Variants in RNPEPL1 observed in about 807,000 individuals in gnomAD.
The protein encoded by RNPEPL1 is aminopeptidase RNPEPL1.
A neutral mutation model predicts 69.0 loss-of-function variants in RNPEPL1; 46 were observed. The ratio of observed to expected loss-of-function variants is 0.67; its 90% CI spans 0.53 to 0.85. The LOEUF is 0.85. RNPEPL1 is among the 40% of genes least tolerant of loss of function. The pLI is 0.00. For missense variants in RNPEPL1, 869 were observed against 992.5 expected (o/e 0.88, Z 1.67); for synonymous variants, 525 against 454.1 (o/e 1.16, Z -1.98).
intron 4 of RNPEPL1, 31 bp from the exon 5 acceptor site, chr2:240,574,082 G>T (rs777053855): frequency 3.8e-6 from 6 of 1,594,592 alleles, no homozygotes; most frequent in Non-Finnish European, 5.1e-6. Flanking sequence ...GAGCCCCGAG[G>T]TCTGCCACCC....
rs940263879 is a variant in RNPEPL1, at chr2:240,579,596, C to A, written c.*1704C>A. The stretch of plus-strand genomic sequence containing the variant: ...TATGGAGGGCACCTGGCAGCCCCTG[C>A]TGCATGGCCATCTAAAGTCTTGCCA... On this transcript the variant is annotated 3_prime_UTR_variant, in exon 11 of 11. Coordinates refer to ENST00000270357, the MANE Select transcript of RNPEPL1 (RefSeq NM_018226.6). The A allele has an allele frequency of 6.6e-6, 1 of 152,212 alleles. No individual in the cohort carries two copies. Among genetic ancestry groups the A allele is most frequent in the Non-Finnish European group, 1.5e-5 (1 of 68,066 alleles). The allele number at this position is 152,212 out of a possible 1,614,324, so 9.4% of individuals were successfully genotyped here. A position where few individuals can be genotyped will look rare whatever the true frequency, so the allele number is the denominator to read the frequency against.
chr2:240,568,826 C>T lies in RNPEPL1; in HGVS notation c.240C>T (p.His80=). ...PAPRALVLDA[H]PALRLHSAAF... ...CCCGCGCGCTCGTGCTCGACGCGCA[C>T]CCGGCTCTGCGCCTGCACTCAGCCG... The change falls in exon 1 of 11, where the codon CAC becomes CAT. Residue 80 remains histidine, a synonymous_variant. Transcript: ENST00000270357. The surrounding 1 kb of genome is among the most constrained non-coding windows in gnomAD (Gnocchi z 6.2). 3 of 1,139,100 alleles carry T rather than the reference C, an allele frequency of 2.6e-6. No individual in the cohort carries two copies. Among genetic ancestry groups the T allele is most frequent in the Non-Finnish European group, 3.2e-6 (3 of 925,968 alleles). The allele number at this position is 1,139,100 out of a possible 1,614,324, so 70.6% of individuals were successfully genotyped here.
At chr2:240,574,670 A>C in intron 6 of RNPEPL1, 42 bp downstream of exon 6, 2 of 1,497,198 alleles carry the variant, frequency 1.3e-6, no homozygotes, top group Non-Finnish European at 9.2e-7. Flanking sequence ...TGGGGATGTC[A>C]CCCCTCAAGG....
At chr2:240,573,303 C>G in intron 3 of RNPEPL1, 42 bp downstream of exon 3, 4 of 1,525,750 alleles carry the variant, frequency 2.6e-6, no homozygotes, top group African/African-American at 1.4e-5. Flanking sequence ...GCGCAGGCCT[C>G]GGGGAGAGCC....
chr2:240,569,069 G>A lies in RNPEPL1; in HGVS notation c.483G>A (p.Gln161=), dbSNP rs2093013540. Reference sequence around the variant, plus strand: ...TGCCGCCCGAGCTGCAGGCGCACCAGCCCTTCCAGGTCATCCTGCGGTACA... The same window carrying A: ...TGCCGCCCGAGCTGCAGGCGCACCAACCCTTCCAGGTCATCCTGCGGTACA... ...VTLPPELQAH[Q]PFQVILRYTS... Residue 161 remains glutamine, a synonymous_variant, in exon 1 of 11, where the codon CAG becomes CAA. Transcript: ENST00000270357. 1 of 1,508,898 alleles carries A rather than the reference G, an allele frequency of 6.6e-7. No homozygotes were observed. Among genetic ancestry groups the A allele is most frequent in the Non-Finnish European group, 8.8e-7 (1 of 1,136,352 alleles). The allele number at this position is 1,508,898 out of a possible 1,614,324, so 93.5% of individuals were successfully genotyped here.
Position 240,568,823 on chromosome 2 carries a change from G to T in RNPEPL1, c.237G>T (p.Ala79=). 8.9e-7 allele frequency: 1 copy of T among 1,129,178 alleles called. No individual in the cohort carries two copies. The highest frequency in any genetic ancestry group is 1.1e-6 in the Non-Finnish European group (1 of 920,358). The allele number at this position is 1,129,178 out of a possible 1,614,324, so 69.9% of individuals were successfully genotyped here. A position where few individuals can be genotyped will look rare whatever the true frequency, so the allele number is the denominator to read the frequency against. The change falls in exon 1 of 11, where the codon GCG becomes GCT. Residue 79 remains alanine (A), a synonymous_variant. Transcript: ENST00000270357. The surrounding 1 kb of genome is among the most constrained non-coding windows in gnomAD (Gnocchi z 6.2). ...CGCCCCGCGCGCTCGTGCTCGACGC[G>T]CACCCGGCTCTGCGCCTGCACTCAG... ...RPAPRALVLD[A]HPALRLHSAA...
rs753204456 is a variant in RNPEPL1, at chr2:240,574,525, C to T, written c.1185C>T (p.Phe395=). The change falls in exon 6 of 11, where the codon TTC becomes TTT. Residue 395 remains phenylalanine, a synonymous_variant. Transcript: ENST00000270357. ...RITTETYGAA[F]TCLETAFRLD... ...CCGGACCCCATCCAGGTGCTGCCTT[C>T]ACCTGCCTGGAGACTGCCTTCCGCC... The T allele has an allele frequency of 6.2e-7, 1 of 1,611,240 alleles. No individual in the cohort carries two copies. The highest frequency in any genetic ancestry group is 1.7e-5 in the Admixed American group (1 of 59,726).
chr2:240,568,599 T>G lies in RNPEPL1; in HGVS notation c.13T>G (p.Cys5Gly). MAAQ[C>G]CCRQAPGAEA... ...AGTGCCGGCGGCCATGGCCGCGCAGTGCTGCTGCCGCCAGGCGCCCGGCGC... is the reference window on the plus strand; with the variant it reads ...AGTGCCGGCGGCCATGGCCGCGCAGGGCTGCTGCCGCCAGGCGCCCGGCGC... The change falls in exon 1 of 11, where the codon TGC becomes GGC. Residue 5 changes from cysteine to glycine, a missense_variant. Physicochemically the swap from Cys to Gly is radical, Grantham distance 159 (BLOSUM62 -3). Coordinates refer to ENST00000270357, the MANE Select transcript of RNPEPL1 (RefSeq NM_018226.6). This position sits in a 1 kb window ranked among gnomAD's most constrained non-coding sequence, Gnocchi z 6.2. 2 of 986,058 alleles carry G rather than the reference T, an allele frequency of 2.0e-6. No homozygotes were observed. The highest frequency in any genetic ancestry group is 2.4e-6 in the Non-Finnish European group (2 of 834,198). The allele number at this position is 986,058 out of a possible 1,614,324, so 61.1% of individuals were successfully genotyped here.
At chr2:240,572,220 C>T (rs1010739137) in intron 1 of RNPEPL1, among the ~76,000 whole-genome samples, 5 of 152,208 alleles carry the variant, frequency 3.3e-5, no homozygotes, top group Non-Finnish European at 5.9e-5. Context: ...CAGGCCACAC[C>T]CTGGGTCACC....
rs1246148335 is a variant in RNPEPL1, at chr2:240,568,930, C to T, written c.344C>T (p.Pro115Leu). The change falls in exon 1 of 11, where the codon CCG (proline) becomes CTG (leucine). Residue 115 changes from proline (P) to leucine (L), a missense_variant. Coordinates refer to ENST00000270357, the MANE Select transcript of RNPEPL1 (RefSeq NM_018226.6). This position sits in a 1 kb window ranked among gnomAD's most constrained non-coding sequence, Gnocchi z 6.2. ...AFSAPGPGPA[P>L]PPPLPAFPEA... ...TCCGCCCCCGGGCCGGGGCCCGCGC[C>T]GCCGCCCCCGCTGCCCGCCTTCCCC... 8 of 1,332,078 alleles carry T rather than the reference C, an allele frequency of 6.0e-6. No individual in the cohort carries two copies. Among genetic ancestry groups the T allele is most frequent in the Non-Finnish European group, 5.7e-6 (6 of 1,045,992 alleles). The allele number at this position is 1,332,078 out of a possible 1,614,324, so 82.5% of individuals were successfully genotyped here.
rs1467775850 is a variant in RNPEPL1, at chr2:240,568,504, C to T, written c.-83C>T. 1 of 686,168 alleles carries T rather than the reference C, an allele frequency of 1.5e-6. No individual in the cohort carries two copies. 42.5% of individuals were successfully genotyped at this position (686,168 alleles called of 1,614,324 possible). A position where few individuals can be genotyped will look rare whatever the true frequency, so the allele number is the denominator to read the frequency against. On this transcript the variant is annotated 5_prime_UTR_variant, in exon 1 of 11. Coordinates refer to ENST00000270357, the MANE Select transcript of RNPEPL1 (RefSeq NM_018226.6). The surrounding 1 kb of genome is among the most constrained non-coding windows in gnomAD (Gnocchi z 6.2). ...GGCGCGACTTCCTGTTGTGCCCGCG[C>T]CCCGCCGCCGCCGCCGCCCGGCGCC...
rs1164119688 is a variant in RNPEPL1 at position 240,568,967 on chromosome 2, C to G, written c.381C>G (p.Gly127=). 6.9e-7 allele frequency: 1 copy of G among 1,456,064 alleles called. No homozygotes were observed. Among genetic ancestry groups the G allele is most frequent in the Admixed American group, 2.4e-5 (1 of 42,192 alleles). 90.2% of individuals were successfully genotyped at this position (1,456,064 alleles called of 1,614,324 possible). A position where few individuals can be genotyped will look rare whatever the true frequency, so the allele number is the denominator to read the frequency against. The part of the protein sequence containing the change: ...PPLPAFPEAP[G]SEPACCPLAF... ...TGCCCGCCTTCCCCGAGGCGCCCGG[C>G]TCCGAGCCCGCCTGCTGTCCGCTGG... Residue 127 remains glycine, a synonymous_variant, in exon 1 of 11, where the codon GGC becomes GGG. Transcript: ENST00000270357. The surrounding 1 kb of genome is among the most constrained non-coding windows in gnomAD (Gnocchi z 6.2).
In RNPEPL1 at chr2:240,572,505, C is replaced by T; in HGVS notation, c.611C>T (p.Ser204Phe). 6.5e-7 allele frequency: 1 copy of T among 1,536,310 alleles called. No homozygotes were observed. Among genetic ancestry groups the T allele is most frequent in the Non-Finnish European group, 8.7e-7 (1 of 1,146,902 alleles). ...CAGGGCCACTCCGTGTGCAACCGCT[C>T]CTTCTTCCCGTGCTTCGACACACCT... ...FTQGHSVCNR[S>F]FFPCFDTPAV... Residue 204 changes from serine (S) to phenylalanine (F), a missense_variant, in exon 2 of 11, where the codon TCC (serine) becomes TTC (phenylalanine). Physicochemically the swap from Ser to Phe is radical, Grantham distance 155 (BLOSUM62 -2). This residue lies in a region of RNPEPL1 where 610 missense variants were observed against 790.9 expected (regional missense o/e 0.77). Transcript: ENST00000270357.
Position 240,569,871 on chromosome 2 carries a change from C to T in RNPEPL1, c.528+757C>T, listed in dbSNP as rs1039660674. Among the ~76,000 whole-genome samples the T allele has an allele frequency of 7.2e-5, 11 of 152,194 alleles. 1 individual carries two copies. In the East Asian group the frequency reaches 7.7e-4, roughly 11 times the overall value. ...TGGGAAGTCCAGCTGTCACTGGTCA[C>T]GGCACATAAATGGACAGGGTGGTGG... On this transcript the variant is annotated intron_variant, in intron 1 of 10. Coordinates refer to ENST00000270357, the MANE Select transcript of RNPEPL1 (RefSeq NM_018226.6).
chr2:240,571,107 G>A (rs2093020226), intron 1 of RNPEPL1, among the ~76,000 whole-genome samples: 2 of 152,174 alleles, frequency 1.3e-5, no homozygotes, highest in South Asian at 4.1e-4. Context: ...CCCCCAAGGG[G>A]GAGGCTGCGT....
chr2:240,577,020 G>A lies in RNPEPL1; in HGVS notation c.1884+30G>A, dbSNP rs769200512. On this transcript the variant is annotated intron_variant, in intron 10 of 10. Coordinates refer to ENST00000270357, the MANE Select transcript of RNPEPL1 (RefSeq NM_018226.6). ...GGTCACCTGCCCAGGGGGCCAGCCT[G>A]GAACGGCCTAGCCGTGCGGACTGGG... The A allele has an allele frequency of 1.9e-6, 3 of 1,611,618 alleles. No homozygotes were observed. The East Asian group carries it at 6.7e-5, about 36-fold the overall frequency.
chr2:240,573,727 C>G (rs922492892), intron 3 of RNPEPL1, 48 bp from the exon 4 acceptor site: 69 of 1,436,910 alleles, frequency 4.8e-5, no homozygotes, highest in Non-Finnish European at 6.2e-5. Flanking sequence ...GTGGGGTGAG[C>G]GGGGCTGGGG....
In RNPEPL1 at chr2:240,577,769, AGAGCCCAGCACG is replaced by A. The variant is rs913974511; in HGVS notation, c.2060_2071del (p.Pro687_Glu690del). 6 of 1,611,996 alleles carry A rather than the reference AGAGCCCAGCACG, an allele frequency of 3.7e-6. No homozygotes were observed. In the African/African-American group the frequency reaches 8.0e-5, roughly 22 times the overall value. On this transcript the variant is annotated inframe_deletion, in exon 11 of 11. Coordinates refer to ENST00000270357, the MANE Select transcript of RNPEPL1 (RefSeq NM_018226.6). ...TGGGCTCCAGCACAGAGCCCGCCTC[AGAGCCCAGCACG>A]GAGCTGGGCAAGGCTGAAGCAGACA...
Position 240,577,895 on chromosome 2 carries a change from C to T in RNPEPL1, c.*3C>T, listed in dbSNP as rs1460130295. On this transcript the variant is annotated 3_prime_UTR_variant, in exon 11 of 11. Coordinates refer to ENST00000270357, the MANE Select transcript of RNPEPL1 (RefSeq NM_018226.6). ...GGGACGTCAATGTGTCTGCCTAGCCCTGTTGGCGGGCTGACCCTCGACCTC... is the reference window on the plus strand; with the variant it reads ...GGGACGTCAATGTGTCTGCCTAGCCTTGTTGGCGGGCTGACCCTCGACCTC... 3 of 1,492,618 alleles carry T rather than the reference C, an allele frequency of 2.0e-6. No individual in the cohort carries two copies. The highest frequency in any genetic ancestry group is 2.7e-6 in the Non-Finnish European group (3 of 1,114,378). The allele number at this position is 1,492,618 out of a possible 1,614,324, so 92.5% of individuals were successfully genotyped here. A position where few individuals can be genotyped will look rare whatever the true frequency, so the allele number is the denominator to read the frequency against.
Sources: gnomAD v4.1 joint callset for allele counts (sites outside exome capture counted in the v4.1 genomes callset) on GRCh38, gnomAD v4.1.1 for gene constraint, gnomAD v4.1.1 regional missense constraint, Gnocchi (gnomAD v3.1) non-coding constraint, MANE v1.5 for transcripts, NCBI Gene and HGNC (gene_info 2026-07-23, HGNC 2026-07-21) for gene names.